Variants in LHFPL2 observed in about 807,000 individuals in gnomAD.
The protein encoded by LHFPL2 is LHFPL tetraspan subfamily member 2 protein.
Under a neutral mutation model 17.5 loss-of-function variants are expected in LHFPL2, and 7 were observed. The observed-to-expected ratio is 0.40, with a 90% confidence interval of 0.23 to 0.75. LHFPL2 has a LOEUF of 0.75. Ranked by LOEUF, LHFPL2 falls within the 30% of genes least tolerant of loss-of-function variation. The pLI is 0.37. For missense variants in LHFPL2, 241 were observed against 294.8 expected, an observed-to-expected ratio of 0.82 and a Z score of 1.34; for synonymous variants, 134 against 116.2, an observed-to-expected ratio of 1.15 and a Z score of -0.99.
chr5:78,524,363 G>A (rs1755551025), intron 3 of LHFPL2, among the ~76,000 whole-genome samples: 1 of 152,150 alleles, frequency 6.6e-6, no homozygotes, highest in Non-Finnish European at 1.5e-5. Context: ...GCTTCTAAGT[G>A]GGAACCAAAG....
intron 2 of LHFPL2, among the ~76,000 whole-genome samples, chr5:78,585,533 G>A (rs1286792828): frequency 6.6e-6 from 1 of 152,142 alleles, no homozygotes; most frequent in African/African-American, 2.4e-5. Flanking sequence ...GATGAACCCG[G>A]TACCTCAGAT....
Position 78,485,836 on chromosome 5 carries a change from C to T in LHFPL2, c.*3061G>A. Reference sequence around the variant, plus strand: ...GCGTGCGGGCTTAACTTTGACATAACACTAGCGATTATTTTAGACCCAGGA... The same window carrying T: ...GCGTGCGGGCTTAACTTTGACATAATACTAGCGATTATTTTAGACCCAGGA... On this transcript the variant is annotated 3_prime_UTR_variant, in exon 5 of 5. Transcript: ENST00000380345. 6.6e-6 allele frequency: 1 copy of T among 152,640 alleles called. No individual in the cohort carries two copies. The highest frequency in any genetic ancestry group is 2.1e-4 in the South Asian group (1 of 4,822). The allele number at this position is 152,640 out of a possible 1,614,324, so 9.5% of individuals were successfully genotyped here. A position where few individuals can be genotyped will look rare whatever the true frequency, so the allele number is the denominator to read the frequency against.
chr5:78,531,815 C>T (rs1169355118), intron 3 of LHFPL2, among the ~76,000 whole-genome samples: 2 of 152,138 alleles, frequency 1.3e-5, no homozygotes, highest in African/African-American at 4.8e-5. Flanking sequence ...AGCTGGAGCA[C>T]AAGTGGTATG....
At chr5:78,537,213 G>A (rs1434615941) in intron 3 of LHFPL2, among the ~76,000 whole-genome samples, 5 of 152,176 alleles carry the variant, frequency 3.3e-5, no homozygotes, top group Non-Finnish European at 7.4e-5. Context: ...GGAGGCCACT[G>A]AAGCTTTCTC....
At chr5:78,511,962 G>T (rs10067806) in intron 3 of LHFPL2, among the ~76,000 whole-genome samples, 1 of 151,956 alleles carries the variant, frequency 6.6e-6, no homozygotes, top group Non-Finnish European at 1.5e-5. Flanking sequence ...CTGACCATAT[G>T]GATGCCTAAC....
chr5:78,609,575 A>C (rs1744346755), intron 2 of LHFPL2, among the ~76,000 whole-genome samples: 1 of 152,078 alleles, frequency 6.6e-6, no homozygotes, highest in Non-Finnish European at 1.5e-5. Context: ...CCACATAAAG[A>C]CTACCACAAT....
intron 4 of LHFPL2, among the ~76,000 whole-genome samples, chr5:78,505,411 C>T (rs940298555): frequency 2.6e-4 from 39 of 152,262 alleles, no homozygotes; most frequent in African/African-American, 7.2e-4. Flanking sequence ...CAACACTCAA[C>T]GGCTAGAAGC....
At chr5:78,551,185 C>T (rs564393601) in intron 3 of LHFPL2, among the ~76,000 whole-genome samples, 8 of 152,178 alleles carry the variant, frequency 5.3e-5, no homozygotes, top group South Asian at 4.2e-4. Flanking sequence ...TCTAGAGGAA[C>T]GGGGAATTCC....
intron 3 of LHFPL2, among the ~76,000 whole-genome samples, chr5:78,537,405 T>C (rs1173138480): frequency 6.6e-6 from 1 of 152,204 alleles, no homozygotes; most frequent in Non-Finnish European, 1.5e-5. Context: ...AAGATCTATT[T>C]TTAGGTGTCA....
chr5:78,503,495 G>C (rs568511911), intron 4 of LHFPL2, among the ~76,000 whole-genome samples: 2 of 152,130 alleles, frequency 1.3e-5, no homozygotes, highest in African/African-American at 4.8e-5. Context: ...TCAGGAGTAC[G>C]AGACCAGCCT....
At chr5:78,498,920 C>G (rs549713155) in intron 4 of LHFPL2, among the ~76,000 whole-genome samples, 4 of 152,200 alleles carry the variant, frequency 2.6e-5, no homozygotes, top group Non-Finnish European at 4.4e-5. Flanking sequence ...GACTGGAGGC[C>G]TGAACTACGA....
intron 3 of LHFPL2, among the ~76,000 whole-genome samples, chr5:78,561,060 ATTC>A (rs1756712799): frequency 6.6e-6 from 1 of 152,236 alleles, no homozygotes; most frequent in South Asian, 2.1e-4. Flanking sequence ...GAATTTGTAC[ATTC>A]TTCTTTCTAA....
In LHFPL2 at chr5:78,582,531, A is replaced by G. The variant is rs537906240; in HGVS notation, c.-244-17660T>C. 4.2e-3 allele frequency among the ~76,000 whole-genome samples: 642 copies of G among 151,132 alleles called. 9 individuals carry two copies. The highest frequency in any genetic ancestry group is 0.027 in the Middle Eastern group (8 of 294). On this transcript the variant is annotated intron_variant, in intron 2 of 4. Transcript: ENST00000380345. ...AAAGAACATCTTTATTTGTGCCTTC[A>G]TTTCGTTATGTACCCAGTAGTCATT...
At chr5:78,493,692 G>A (rs1754519249) in intron 4 of LHFPL2, among the ~76,000 whole-genome samples, 1 of 152,196 alleles carries the variant, frequency 6.6e-6, no homozygotes, top group African/African-American at 2.4e-5. Flanking sequence ...GTGTCAGCAA[G>A]AAAGAAAATA....
intron 2 of LHFPL2, among the ~76,000 whole-genome samples, chr5:78,616,315 G>A (rs1397410219): frequency 3.3e-5 from 5 of 152,054 alleles, no homozygotes; most frequent in African/African-American, 1.2e-4. Context: ...TTTTAGTAGA[G>A]ACGGGGTTTC....
At chr5:78,612,389 T>G (rs972916993) in intron 2 of LHFPL2, among the ~76,000 whole-genome samples, 1 of 152,202 alleles carries the variant, frequency 6.6e-6, no homozygotes, top group Non-Finnish European at 1.5e-5. Flanking sequence ...CATTGTATAG[T>G]CATTCCTCCA....
chr5:78,501,896 G>A (rs1306300639), intron 4 of LHFPL2, among the ~76,000 whole-genome samples: 1 of 152,068 alleles, frequency 6.6e-6, no homozygotes, highest in Non-Finnish European at 1.5e-5. Context: ...GTATCTACAT[G>A]TTATTTTAGT....
intron 4 of LHFPL2, among the ~76,000 whole-genome samples, chr5:78,506,656 C>A (rs1036230090): frequency 6.6e-6 from 1 of 152,198 alleles, no homozygotes; most frequent in African/African-American, 2.4e-5. Context: ...CATGATGAGA[C>A]CTCCAATAGG....
chr5:78,516,492 G>A (rs1755295476), intron 3 of LHFPL2, among the ~76,000 whole-genome samples: 1 of 152,110 alleles, frequency 6.6e-6, no homozygotes, highest in African/African-American at 2.4e-5. Context: ...GTGGACAGGG[G>A]CGCTGTCAAA....
Sources: allele counts gnomAD v4.1 joint callset (sites outside exome capture counted in the v4.1 genomes callset), GRCh38; gene constraint gnomAD v4.1.1; transcripts MANE v1.5; gene names NCBI Gene and HGNC (gene_info 2026-07-23, HGNC 2026-07-21).